DENND5B: variants seen among roughly 807,000 people sequenced by gnomAD.
DENND5B encodes the protein DENN domain-containing protein 5B.
DENND5B carries 34 observed loss-of-function variants against 140.6 expected under a neutral mutation model. The observed-to-expected ratio is 0.24, with a 90% CI of 0.18 to 0.32. The LOEUF is 0.32. DENND5B is among the 10% of genes least tolerant of loss of function. The pLI is 1.00. For missense variants in DENND5B, 1,142 were observed against 1,560.2 expected (o/e 0.73, Z 4.52); for synonymous variants, 551 against 562.1 (o/e 0.98, Z 0.28).
At chr12:31,539,204 A>G (rs1186683487) in intron 1 of DENND5B, among the ~76,000 whole-genome samples, 3 of 152,160 alleles carry the variant, frequency 2.0e-5, no homozygotes, top group African/African-American at 4.8e-5. Context: ...CAAAACCTGA[A>G]CAAACCAATA....
Position 31,405,665 on chromosome 12 carries a change from A to G in DENND5B, c.2804-3022T>C, listed in dbSNP as rs562701229. The stretch of plus-strand genomic sequence containing the variant: ...CGGGTTCAAGTGATTCTCCTGCCTT[A>G]GCCTCCCAAGTAGTTGGGATTACGG... On this transcript the variant is annotated intron_variant, in intron 14 of 20. Coordinates refer to ENST00000389082, the MANE Select transcript of DENND5B (RefSeq NM_144973.4). 4.6e-5 allele frequency among the ~76,000 whole-genome samples: 7 copies of G among 151,838 alleles called. No individual in the cohort carries two copies. In the East Asian group the frequency reaches 1.2e-3, roughly 25 times the overall value.
chr12:31,463,876 C>T lies in DENND5B; in HGVS notation c.905-3495G>A, dbSNP rs61930292. ...AGAGATGGGGTTTCACCATGTTGGCCGGGCTGGTCTCGAACTCCTGACCTC... is the reference window on the plus strand; with the variant it reads ...AGAGATGGGGTTTCACCATGTTGGCTGGGCTGGTCTCGAACTCCTGACCTC... On this transcript the variant is annotated intron_variant, in intron 3 of 20. Coordinates refer to ENST00000389082, the MANE Select transcript of DENND5B (RefSeq NM_144973.4). Among the ~76,000 whole-genome samples, 935 of 152,232 alleles carry T rather than the reference C, an allele frequency of 6.1e-3. 9 individuals carry two copies. Among genetic ancestry groups the T allele is most frequent in the Middle Eastern group, 0.017 (5 of 294 alleles).
intron 1 of DENND5B, among the ~76,000 whole-genome samples, chr12:31,564,341 T>C (rs988913898): frequency 1.1e-4 from 17 of 151,854 alleles, no homozygotes; most frequent in African/African-American, 2.4e-5. Context: ...ACTGCAACCA[T>C]AGACTGGCTG....
At chr12:31,567,329 AAG>A (rs1949666446) in intron 1 of DENND5B, among the ~76,000 whole-genome samples, 1 of 151,250 alleles carries the variant, frequency 6.6e-6, no homozygotes, top group South Asian at 2.1e-4. Flanking sequence ...AAAAAAAAAA[AAG>A]AAGTTGCCAA....
intron 8 of DENND5B, among the ~76,000 whole-genome samples, chr12:31,431,152 A>G (rs956114911): frequency 6.6e-6 from 1 of 152,198 alleles, no homozygotes; most frequent in Non-Finnish European, 1.5e-5. Flanking sequence ...CTTAAGACAA[A>G]TGAAACAAAC....
At chr12:31,419,031 G>C (rs1180578999) in intron 11 of DENND5B, among the ~76,000 whole-genome samples, 2 of 152,188 alleles carry the variant, frequency 1.3e-5, no homozygotes. Flanking sequence ...CTGGAGAGAA[G>C]AGTTTAAAAG....
intron 1 of DENND5B, among the ~76,000 whole-genome samples, chr12:31,576,601 G>C (rs938222104): frequency 6.6e-6 from 1 of 152,154 alleles, no homozygotes; most frequent in African/African-American, 2.4e-5. Flanking sequence ...AGTTTTTTCA[G>C]GTCAGGCGTG....
At position 31,528,478 on chromosome 12, in the gene DENND5B, C is replaced by T. The variant is rs144843074; in HGVS notation, c.128-32559G>A. On this transcript the variant is annotated intron_variant, in intron 1 of 20. Transcript: ENST00000389082. ...TGTAACATTCAGGTTCCAGGTATTA[C>T]GACCTGACATTTAATCTACCTAAGA... 5.8e-4 allele frequency among the ~76,000 whole-genome samples: 88 copies of T among 152,210 alleles called. 1 individual carries two copies. The highest frequency in any genetic ancestry group is 2.0e-3 in the African/African-American group (82 of 41,526).
At chr12:31,490,507 G>A (rs1438841074) in intron 2 of DENND5B, among the ~76,000 whole-genome samples, 2 of 152,036 alleles carry the variant, frequency 1.3e-5, no homozygotes, top group Admixed American at 1.3e-4. Context: ...AGCTACTTGG[G>A]GGGCTGAGGT....
At chr12:31,506,243 T>C (rs1947195905) in intron 1 of DENND5B, 1 of 152,212 alleles carries the variant, frequency 6.6e-6, no homozygotes, top group Admixed American at 6.5e-5. Context: ...AAGAGCCATG[T>C]TATATTTACC....
chr12:31,477,004 G>A (rs1362940378), intron 3 of DENND5B, among the ~76,000 whole-genome samples: 1 of 152,066 alleles, frequency 6.6e-6, no homozygotes, highest in Non-Finnish European at 1.5e-5. Flanking sequence ...TGAGGCGAGT[G>A]GATCATGAGG....
intron 1 of DENND5B, among the ~76,000 whole-genome samples, chr12:31,587,901 C>T (rs1224621473): frequency 6.6e-6 from 1 of 152,158 alleles, no homozygotes; most frequent in Non-Finnish European, 1.5e-5. Flanking sequence ...TCTACCCCTG[C>T]CCTGATATAG....
chr12:31,448,447 T>A (rs1424169353), intron 5 of DENND5B, among the ~76,000 whole-genome samples: 2 of 152,176 alleles, frequency 1.3e-5, no homozygotes, highest in Non-Finnish European at 2.9e-5. Context: ...AAGTTGTAAT[T>A]CCTTCTGTTC....
intron 1 of DENND5B, among the ~76,000 whole-genome samples, chr12:31,563,443 G>T (rs1217383551): frequency 6.6e-6 from 1 of 152,186 alleles, no homozygotes; most frequent in Non-Finnish European, 1.5e-5. Flanking sequence ...CCATTCCTGT[G>T]TAAAGCAGAG....
At chr12:31,399,275 C>CTTTTTTTT (rs530514939) in intron 16 of DENND5B, among the ~76,000 whole-genome samples, 1 of 60,440 alleles carries the variant, frequency 1.7e-5, no homozygotes, top group Non-Finnish European at 3.0e-5. Flanking sequence ...TCAAACAATT[C>CTTTTTTTT]TTTTTTTTTT....
intron 7 of DENND5B, 44 bp downstream of exon 7, chr12:31,442,731 C>G: frequency 6.3e-7 from 1 of 1,590,276 alleles, no homozygotes; most frequent in Non-Finnish European, 8.6e-7. Flanking sequence ...CCCCACCCTT[C>G]ATTCATTCCT....
chr12:31,479,847 T>C lies in DENND5B; in HGVS notation c.646A>G (p.Thr216Ala). 1 of 1,613,926 alleles carries C rather than the reference T, an allele frequency of 6.2e-7. No individual in the cohort carries two copies. Reference sequence around the variant, plus strand: ...GGCAAGGGTGGTGGCTGCTGTGAGGTAACAGCCTTGTAAAGCTGGATAAGG... The same window carrying C: ...GGCAAGGGTGGTGGCTGCTGTGAGGCAACAGCCTTGTAAAGCTGGATAAGG... The part of the protein sequence containing the change: ...KFLIQLYKAV[T>A]SQQPPPLPLE... The change falls in exon 3 of 21, where the codon ACC (threonine) becomes GCC (alanine). Residue 216 changes from threonine to alanine, a missense_variant. This residue lies in a region of DENND5B where 708 missense variants were observed against 905.5 expected (regional missense o/e 0.78). Transcript: ENST00000389082.
intron 5 of DENND5B, among the ~76,000 whole-genome samples, chr12:31,450,949 C>T (rs1944487320): frequency 1.3e-5 from 2 of 152,146 alleles, no homozygotes; most frequent in Non-Finnish European, 1.5e-5. Context: ...TCCAGTACCC[C>T]TTAGAAATCA....
At chr12:31,577,710 CAAAAAAAAAAA>C (rs35015214) in intron 1 of DENND5B, among the ~76,000 whole-genome samples, 5 of 70,506 alleles carry the variant, frequency 7.1e-5, no homozygotes, top group African/African-American at 1.6e-4. Context: ...GACTCTGTCT[CAAAAAAAAAAA>C]AAAAAAAAAA....
Sources: gnomAD v4.1 joint callset for allele counts (sites outside exome capture counted in the v4.1 genomes callset) on GRCh38, gnomAD v4.1.1 for gene constraint, gnomAD v4.1.1 regional missense constraint, MANE v1.5 for transcripts, NCBI Gene and HGNC (gene_info 2026-07-23, HGNC 2026-07-21) for gene names.